SLF1: variants seen among roughly 807,000 people sequenced by gnomAD.
SLF1 encodes SMC5-SMC6 complex localization factor protein 1.
A neutral mutation model predicts 123.0 loss-of-function variants in SLF1; 105 were observed. That is an observed-to-expected ratio of 0.85 (90% CI 0.73 to 1.00). The LOEUF (loss-of-function observed/expected upper bound fraction) is 1.00, where lower values mean the gene tolerates loss of function less well. Ranked by LOEUF, SLF1 falls within the 50% of genes least tolerant of loss-of-function variation. The probability of loss-of-function intolerance (pLI) is 0.00; values close to 1 mark genes in which losing one functional copy is unlikely to be tolerated. For synonymous variants in SLF1, 434 were observed against 406.6 expected (o/e 1.07, Z -0.81); for missense variants, 1,239 against 1,223.0 (o/e 1.01, Z -0.20).
intron 18 of SLF1, among the ~76,000 whole-genome samples, chr5:94,690,307 T>C (rs1752927595): frequency 6.6e-6 from 1 of 152,176 alleles, no homozygotes; most frequent in South Asian, 2.1e-4. Flanking sequence ...AATATTAACA[T>C]TATGACACCC....
At position 94,665,933 on chromosome 5, in the gene SLF1, A is replaced by T; in HGVS notation, c.1441A>T (p.Lys481Ter). 6.4e-7 allele frequency: 1 copy of T among 1,551,066 alleles called. No homozygotes were observed. The highest frequency in any genetic ancestry group is 2.4e-5 in the East Asian group (1 of 40,904). ...SALLHLHPPW[K>*]SPAMSRYYLE... ...TCTTCTTCACCTGCATCCTCCTTGG[A>T]AGTCTCCAGCCATGTCGAGATATTA... The change falls in exon 12 of 21, where the codon AAG becomes TAG. Residue 481 changes from lysine (K) to a stop codon, truncating the protein, a stop_gained. Coordinates refer to ENST00000265140, the MANE Select transcript of SLF1 (RefSeq NM_032290.4). LOFTEE classifies it high-confidence loss of function.
At chr5:94,624,966 C>G (rs937911818) in intron 1 of SLF1, among the ~76,000 whole-genome samples, 2 of 151,390 alleles carry the variant, frequency 1.3e-5, no homozygotes. Context: ...GCAGGCGGAT[C>G]ACAAGGTCAG....
At chr5:94,623,726 T>A (rs751085712) in intron 1 of SLF1, among the ~76,000 whole-genome samples, 1 of 152,152 alleles carries the variant, frequency 6.6e-6, no homozygotes, top group Admixed American at 6.5e-5. Context: ...GGATTTTTAA[T>A]TGTCTGGGTT....
At chr5:94,663,699 G>A (rs1455089586) in intron 10 of SLF1, 51 bp from the exon 11 acceptor site, 16 of 1,358,722 alleles carry the variant, frequency 1.2e-5, no homozygotes, top group African/African-American at 1.5e-5. Context: ...TGATTTGATT[G>A]CAAAATTTTA....
At chr5:94,689,108 GGAA>G (rs1303493058) in intron 17 of SLF1, among the ~76,000 whole-genome samples, 2 of 152,204 alleles carry the variant, frequency 1.3e-5, no homozygotes, top group Non-Finnish European at 1.5e-5. Flanking sequence ...TTCTGTGAGA[GGAA>G]GAAGAGAATA....
Position 94,693,709 on chromosome 5 carries a change from C to G in SLF1, c.2696-1122C>G, listed in dbSNP as rs141595167. ...TAATTTCAAGAATTTATTTATTTCT[C>G]TAAAACGTTTGTTTACTTTTGGTAT... On this transcript the variant is annotated intron_variant, in intron 20 of 20. Coordinates refer to ENST00000265140, the MANE Select transcript of SLF1 (RefSeq NM_032290.4). 1.0e-3 allele frequency among the ~76,000 whole-genome samples: 150 copies of G among 149,976 alleles called. 1 individual carries two copies. Among genetic ancestry groups the G allele is most frequent in the Admixed American group, 2.9e-3 (43 of 15,064 alleles).
chr5:94,634,216 G>A (rs1745507601), intron 4 of SLF1, among the ~76,000 whole-genome samples: 1 of 152,042 alleles, frequency 6.6e-6, no homozygotes, highest in East Asian at 1.9e-4. Flanking sequence ...AGTTGCATAC[G>A]TATTTTCTCA....
chr5:94,620,977 TTTGTTTCTCA>T (rs1279064575), intron 1 of SLF1, among the ~76,000 whole-genome samples: 1 of 152,138 alleles, frequency 6.6e-6, no homozygotes, highest in Non-Finnish European at 1.5e-5. Context: ...TAATGAAAAC[TTTGTTTCTCA>T]TTAGACAAAA....
At chr5:94,666,654 G>T (rs1289792056) in intron 12 of SLF1, among the ~76,000 whole-genome samples, 1 of 150,812 alleles carries the variant, frequency 6.6e-6, no homozygotes, top group Admixed American at 6.6e-5. Context: ...TTCTTTTTTT[G>T]AGACATGAGT....
At chr5:94,691,307 T>C (rs888802555) in intron 18 of SLF1, 4 of 414,416 alleles carry the variant, frequency 9.7e-6, no homozygotes, top group African/African-American at 2.1e-5. Flanking sequence ...ACAATGCCTG[T>C]GTTAAACCTT....
In SLF1 at chr5:94,678,659, G is replaced by C. The variant is rs141470467; in HGVS notation, c.1828-149G>C. 1.1e-3 allele frequency: 675 copies of C among 629,930 alleles called. 3 individuals are homozygous for C. In the African/African-American group the frequency reaches 0.012, roughly 11 times the overall value. 39.0% of individuals were successfully genotyped at this position (629,930 alleles called of 1,614,324 possible). ...GAGATGGAGGGGAGAGAATTAGTTAGCTAGGGTTCTTAAGAATACCTTTAA... is the reference window on the plus strand; with the variant it reads ...GAGATGGAGGGGAGAGAATTAGTTACCTAGGGTTCTTAAGAATACCTTTAA... On this transcript the variant is annotated intron_variant, in intron 14 of 20. Coordinates refer to ENST00000265140, the MANE Select transcript of SLF1 (RefSeq NM_032290.4).
intron 18 of SLF1, among the ~76,000 whole-genome samples, chr5:94,690,276 T>C (rs1752925495): frequency 6.6e-6 from 1 of 152,146 alleles, no homozygotes; most frequent in Non-Finnish European, 1.5e-5. Context: ...TGTTTATGAG[T>C]TATATCTTGT....
rs1229161130 is a variant in SLF1 at position 94,678,954 on chromosome 5, TG to T, written c.1975+1del. The T allele has an allele frequency of 6.2e-7, 1 of 1,612,644 alleles. No homozygotes were observed. Among genetic ancestry groups the T allele is most frequent in the South Asian group, 1.1e-5 (1 of 90,638 alleles). On this transcript the variant is annotated frameshift_variant and splice_region_variant, in exon 15 of 21. Coordinates refer to ENST00000265140, the MANE Select transcript of SLF1 (RefSeq NM_032290.4). LOFTEE classifies it high-confidence loss of function. ...GAAGTTATGTTTCTCTTTCGTGTGA[TG>T]GTAAGTTTGTCTATGTTCTGTTTTT... is the stretch of plus-strand genomic sequence containing the variant. Reference protein sequence around the residue: ...LGSYVSLSCDDFSSQELEIFI... With the variant: ...LGSYVSLSCDXFSSQELEIFI...
chr5:94,658,338 T>C (rs1748674729), intron 9 of SLF1, among the ~76,000 whole-genome samples: 2 of 152,074 alleles, frequency 1.3e-5, no homozygotes, highest in South Asian at 4.1e-4. Flanking sequence ...ATGAATTCTC[T>C]GTTTTTGCTT....
intron 1 of SLF1, among the ~76,000 whole-genome samples, chr5:94,625,081 T>C (rs1164551421): frequency 6.6e-6 from 1 of 151,224 alleles, no homozygotes; most frequent in Non-Finnish European, 1.5e-5. Context: ...TAGTCCCAGC[T>C]ACTCAGGAGG....
At chr5:94,685,632 G>A (rs1013100650) in intron 15 of SLF1, among the ~76,000 whole-genome samples, 1 of 152,038 alleles carries the variant, frequency 6.6e-6, no homozygotes, top group Non-Finnish European at 1.5e-5. Context: ...TTGAGGTTTT[G>A]TAGAAGATAT....
chr5:94,688,030 A>C (rs939709313), intron 16 of SLF1, among the ~76,000 whole-genome samples: 2 of 126,602 alleles, frequency 1.6e-5, no homozygotes, highest in African/African-American at 6.1e-5. Context: ...ATCTATCTTT[A>C]GATATTAATA....
intron 9 of SLF1, among the ~76,000 whole-genome samples, chr5:94,654,956 C>T (rs1561446126): frequency 6.6e-6 from 1 of 152,124 alleles, no homozygotes; most frequent in Non-Finnish European, 1.5e-5. Flanking sequence ...ATTTATACCT[C>T]AATAATGTCA....
chr5:94,632,436 A>G (rs1189196711), intron 4 of SLF1, among the ~76,000 whole-genome samples: 1 of 152,164 alleles, frequency 6.6e-6, no homozygotes, highest in African/African-American at 2.4e-5. Flanking sequence ...GCAAACTGGT[A>G]TTTTGATTGG....
Sources: allele counts gnomAD v4.1 joint callset (sites outside exome capture counted in the v4.1 genomes callset), GRCh38; gene constraint gnomAD v4.1.1; transcripts MANE v1.5; gene names NCBI Gene and HGNC (gene_info 2026-07-23, HGNC 2026-07-21).